The following LIN37 variants were observed in gnomAD, a reference collection of about 807,000 sequenced individuals.
The protein encoded by LIN37 is protein lin-37 homolog.
A neutral mutation model predicts 38.0 loss-of-function variants in LIN37; 21 were observed. That is an observed-to-expected ratio of 0.55 (90% confidence interval 0.39 to 0.80). The LOEUF is 0.80. Among genes scored for constraint, LIN37 ranks in the 30% least tolerant of loss-of-function variants. The probability of loss-of-function intolerance (pLI) is 0.00; values close to 1 mark genes in which losing one functional copy is unlikely to be tolerated. For missense variants in LIN37, 273 were observed against 338.5 expected (o/e 0.81, Z 1.52); for synonymous variants, 126 against 122.9 (o/e 1.03, Z -0.17).
Position 35,748,610 on chromosome 19 carries a change from C to A in LIN37, c.-115C>A. 4.9e-6 allele frequency: 7 copies of A among 1,429,454 alleles called. No homozygotes were observed. Among genetic ancestry groups the A allele is most frequent in the Non-Finnish European group, 6.9e-6 (7 of 1,014,100 alleles). The allele number at this position is 1,429,454 out of a possible 1,614,324, so 88.5% of individuals were successfully genotyped here. On this transcript the variant is annotated 5_prime_UTR_variant, in exon 1 of 9. Transcript: ENST00000301159. ...GCTGGACACAACCAAAGGCGGAGGA[C>A]CCGTGGCCCACGAAGCTCATCTTTG...
In LIN37 at chr19:35,752,816, C is replaced by T. The variant is rs185740342; in HGVS notation, c.174C>T (p.Ile58=). Reference sequence around the variant, plus strand: ...TCTTTCCCCACAGGGACTGCTCCATCGCAGCCACTGGCAAAAGGTAAGGTG... The same window carrying T: ...TCTTTCCCCACAGGGACTGCTCCATTGCAGCCACTGGCAAAAGGTAAGGTG... ...PSDTHNKDCS[I]AATGKRPSAR... Residue 58 remains isoleucine, a synonymous_variant, in exon 4 of 9, where the codon ATC becomes ATT. Transcript: ENST00000301159. 631 of 1,609,304 alleles carry T rather than the reference C, an allele frequency of 3.9e-4. 1 individual carries two copies. The highest frequency in any genetic ancestry group is 7.4e-4 in the Admixed American group (44 of 59,508).
At chr19:35,753,598 G>A in intron 6 of LIN37, 1 of 505,778 alleles carries the variant, frequency 2.0e-6, no homozygotes, top group Non-Finnish European at 3.6e-6. Context: ...CAGGGGCTGG[G>A]CAGGAATGGA....
chr19:35,752,589 G>A (rs1365483574), intron 3 of LIN37, 105 bp downstream of exon 3: 17 of 1,332,586 alleles, frequency 1.3e-5, no homozygotes, highest in East Asian at 4.9e-5. Flanking sequence ...ATCGTGGCCC[G>A]GACCACTCCA....
chr19:35,753,426 A>G, intron 6 of LIN37, 173 bp downstream of exon 6: 1 of 804,454 alleles, frequency 1.2e-6, no homozygotes, highest in Non-Finnish European at 2.0e-6. Context: ...TGTGGATCAG[A>G]GTCCCTAGGG....
chr19:35,754,158 G>T lies in LIN37; in HGVS notation c.585+1G>T. ...GATGCAGGGCACCCCTGACGATGAG[G>T]TGAGTATGCCAGGCTGGCCCAGGGT... On this transcript the variant is annotated splice_donor_variant, in intron 7 of 8. Transcript: ENST00000301159. LOFTEE classifies it high-confidence loss of function. 1 of 1,614,010 alleles carries T rather than the reference G, an allele frequency of 6.2e-7. No homozygotes were observed. The highest frequency in any genetic ancestry group is 1.3e-5 in the African/African-American group (1 of 75,070).
intron 6 of LIN37, 184 bp from the exon 7 acceptor site, chr19:35,753,833 G>C: frequency 1.6e-6 from 1 of 636,840 alleles, no homozygotes; most frequent in Non-Finnish European, 2.7e-6. Context: ...GGGGTCCCTG[G>C]GGCAGGCACA....
chr19:35,753,275 A>C, intron 6 of LIN37, 22 bp downstream of exon 6: 1 of 1,542,530 alleles, frequency 6.5e-7, no homozygotes, highest in Non-Finnish European at 8.7e-7. Flanking sequence ...AGTGGGTCCC[A>C]GCCCAGCAGC....
rs757656466 is a variant in LIN37 at position 35,754,110 on chromosome 19, A to G, written c.538A>G (p.Ile180Val). Residue 180 changes from isoleucine (I) to valine (V), a missense_variant, in exon 7 of 9, where the codon ATC becomes GTC. Transcript: ENST00000301159. ...GPPGDACRSR[I>V]PSPLQPEMQG... ...ACCCGGAGATGCCTGCAGATCCCGC[A>G]TCCCATCTCCACTGCAGCCTGAGAT... 20 of 1,613,812 alleles carry G rather than the reference A, an allele frequency of 1.2e-5. No individual in the cohort carries two copies. Among genetic ancestry groups the G allele is most frequent in the Non-Finnish European group, 1.6e-5 (19 of 1,179,868 alleles).
At chr19:35,752,097 C>A in intron 1 of LIN37, 79 bp from the exon 2 acceptor site, 3 of 1,098,440 alleles carry the variant, frequency 2.7e-6, no homozygotes, top group Non-Finnish European at 4.1e-6. Flanking sequence ...AGGACACGCA[C>A]GCCCTTCCCT....
chr19:35,748,878 A>G (rs1196317981), intron 1 of LIN37, 120 bp downstream of exon 1: 2 of 1,593,440 alleles, frequency 1.3e-6, no homozygotes, highest in Non-Finnish European at 1.7e-6. Flanking sequence ...CCCACCTGAC[A>G]ATCGCTGTAT....
intron 1 of LIN37, among the ~76,000 whole-genome samples, chr19:35,750,936 G>A (rs1462558953): frequency 6.6e-6 from 1 of 151,898 alleles, no homozygotes; most frequent in African/African-American, 2.4e-5. Context: ...ACTCCAGCCT[G>A]GGAGACAGAG....
chr19:35,749,478 C>T (rs1414463644), intron 1 of LIN37, among the ~76,000 whole-genome samples: 1 of 151,788 alleles, frequency 6.6e-6, no homozygotes, highest in Non-Finnish European at 1.5e-5. Flanking sequence ...TGTAGGATGT[C>T]CCATGGCAAA....
At chr19:35,752,141 G>A (rs1316325921) in intron 1 of LIN37, 35 bp from the exon 2 acceptor site, 1 of 1,534,748 alleles carries the variant, frequency 6.5e-7, no homozygotes, top group Non-Finnish European at 8.9e-7. Context: ...CTGGGGCCTG[G>A]GAGCTGACTC....
chr19:35,752,991 A>G lies in LIN37; in HGVS notation c.269A>G (p.Gln90Arg). 6.4e-7 allele frequency: 1 copy of G among 1,569,576 alleles called. No homozygotes were observed. Among genetic ancestry groups the G allele is most frequent in the Non-Finnish European group, 8.6e-7 (1 of 1,156,808 alleles). Residue 90 changes from glutamine (Q) to arginine (R), a missense_variant, in exon 5 of 9, where the codon CAG becomes CGG. Physicochemically the swap from Gln to Arg is conservative, Grantham distance 43. Coordinates refer to ENST00000301159, the MANE Select transcript of LIN37 (RefSeq NM_019104.3). ...GATGGGCTGGCTGAGGGAGGGCCGC[A>G]GCGATCCAGTGAGTAGACAGTGGCC... is the stretch of plus-strand genomic sequence containing the variant. ...MDDGLAEGGP[Q>R]RSNTYVIKLF... is the part of the protein sequence containing the mutation.
In LIN37 at chr19:35,752,907, T is replaced by C; in HGVS notation, c.192-7T>C. 2 of 1,580,518 alleles carry C rather than the reference T, an allele frequency of 1.3e-6. No individual in the cohort carries two copies. Among genetic ancestry groups the C allele is most frequent in the East Asian group, 2.3e-5 (1 of 42,780 alleles). On this transcript the variant is annotated splice_region_variant and splice_polypyrimidine_tract_variant and intron_variant, in intron 4 of 8. Coordinates refer to ENST00000301159, the MANE Select transcript of LIN37 (RefSeq NM_019104.3). ...CCCCAGTCCTGACACTCCCTCTCCC[T>C]ACGCAGGCCATCTGCCCGCTTCCCC...
At position 35,753,074 on chromosome 19, in the gene LIN37, C is replaced by T; in HGVS notation, c.278-13C>T. 1.2e-6 allele frequency: 2 copies of T among 1,601,682 alleles called. No individual in the cohort carries two copies. The highest frequency in any genetic ancestry group is 1.7e-6 in the Non-Finnish European group (2 of 1,174,042). Reference sequence around the variant, plus strand: ...CAAGGATGCTCACACACCTCCCATCCCCACCTTCCCAGACACATATGTGAT... The same window carrying T: ...CAAGGATGCTCACACACCTCCCATCTCCACCTTCCCAGACACATATGTGAT... On this transcript the variant is annotated splice_polypyrimidine_tract_variant and intron_variant, in intron 5 of 8. Coordinates refer to ENST00000301159, the MANE Select transcript of LIN37 (RefSeq NM_019104.3).
intron 2 of LIN37, 90 bp downstream of exon 2, chr19:35,752,341 T>A: frequency 6.3e-7 from 1 of 1,578,942 alleles, no homozygotes; most frequent in Non-Finnish European, 8.7e-7. Flanking sequence ...ACAGGCTGAC[T>A]TGGGGAGGAA....
In LIN37 at chr19:35,749,662, A is replaced by C. The variant is rs1472519928; in HGVS notation, c.34+904A>C. On this transcript the variant is annotated intron_variant, in intron 1 of 8. Transcript: ENST00000301159. ...TACAAAAAAAAAAAAAAAATTAGCC[A>C]GGTGTGGTGGCACAAGCCTGTAGTC... is the stretch of plus-strand genomic sequence containing the variant. Among the ~76,000 whole-genome samples, 5 of 149,816 alleles carry C rather than the reference A, an allele frequency of 3.3e-5. No individual in the cohort carries two copies. The South Asian group carries it at 1.1e-3, about 32-fold the overall frequency.
chr19:35,748,779 G>A (rs1238668408), intron 1 of LIN37, 21 bp downstream of exon 1: 1 of 1,613,802 alleles, frequency 6.2e-7, no homozygotes, highest in South Asian at 1.1e-5. Flanking sequence ...TGACGTCGGG[G>A]GCCTGTCGGG....
Sources: allele counts gnomAD v4.1 joint callset (sites outside exome capture counted in the v4.1 genomes callset), GRCh38; gene constraint gnomAD v4.1.1; transcripts MANE v1.5; gene names NCBI Gene and HGNC (gene_info 2026-07-23, HGNC 2026-07-21).